The following TRIOBP variants were observed in gnomAD, a reference collection of about 807,000 sequenced individuals.
The protein encoded by TRIOBP is TRIO and F-actin binding protein.
In TRIOBP, 169 loss-of-function variants were observed where a neutral mutation model predicts 238.8. The observed-to-expected ratio is 0.71, with a 90% CI of 0.62 to 0.80. The LOEUF (loss-of-function observed/expected upper bound fraction) is 0.80, where lower values mean the gene tolerates loss of function less well. Among genes scored for constraint, TRIOBP ranks in the 30% least tolerant of loss-of-function variants. TRIOBP has a pLI of 0.00. For missense variants in TRIOBP, 2,838 were observed against 3,122.6 expected (o/e 0.91, Z 2.17); for synonymous variants, 1,150 against 1,274.4 (o/e 0.90, Z 2.08).
At chr22:37,752,098 G>A (rs1235555867) in intron 12 of TRIOBP, among the ~76,000 whole-genome samples, 1 of 152,176 alleles carries the variant, frequency 6.6e-6, no homozygotes, top group Non-Finnish European at 1.5e-5. Context: ...CTCAGTAGGA[G>A]CCTGGGTGGG....
At chr22:37,755,333 GCTGTGATGCC>G in intron 14 of TRIOBP, 143 bp downstream of exon 14, 1 of 975,664 alleles carries the variant, frequency 1.0e-6, no homozygotes, top group Non-Finnish European at 1.6e-6. Flanking sequence ...CAGAGCCAGA[GCTGTGATGCC>G]AACACTTAGC....
At chr22:37,750,831 A>G (rs1925551589) in intron 11 of TRIOBP, 2 of 443,948 alleles carry the variant, frequency 4.5e-6, no homozygotes, top group African/African-American at 4.0e-5. Flanking sequence ...TGCCACTGTC[A>G]CCGCCCACTC....
chr22:37,707,230 C>G (rs1922992010), intron 3 of TRIOBP, among the ~76,000 whole-genome samples: 1 of 152,002 alleles, frequency 6.6e-6, no homozygotes, highest in African/African-American at 2.4e-5. Flanking sequence ...GAGCCGAGAT[C>G]TGGCCACCGC....
chr22:37,761,253 T>C (rs2145874170), intron 17 of TRIOBP, among the ~76,000 whole-genome samples: 2 of 151,686 alleles, frequency 1.3e-5, no homozygotes, highest in Admixed American at 1.3e-4. Context: ...TCGAGGCCAG[T>C]GTGGCCAGAG....
At chr22:37,771,621 C>A in intron 21 of TRIOBP, 29 bp from the exon 22 acceptor site, 2 of 1,609,386 alleles carry the variant, frequency 1.2e-6, no homozygotes, top group Non-Finnish European at 1.7e-6. Flanking sequence ...GCTTCTGGCC[C>A]TGGGTCAGTC....
At chr22:37,736,339 G>A (rs1924670330) in intron 9 of TRIOBP, among the ~76,000 whole-genome samples, 1 of 152,106 alleles carries the variant, frequency 6.6e-6, no homozygotes, top group East Asian at 1.9e-4. Context: ...GCAGCGCTGG[G>A]GTGCCGTGGG....
chr22:37,701,547 G>GC, intron 3 of TRIOBP, 68 bp downstream of exon 3: 1 of 1,182,114 alleles, frequency 8.5e-7, no homozygotes, highest in Non-Finnish European at 1.2e-6. Flanking sequence ...TGGGCCTGTG[G>GC]TGTCCGCTAA....
rs756511294 is a variant in TRIOBP, at chr22:37,715,885, C to T, written c.579C>T (p.Leu193=). The T allele has an allele frequency of 5.6e-6, 9 of 1,613,552 alleles. No homozygotes were observed. In the Admixed American group the frequency reaches 6.7e-5, roughly 12 times the overall value. The change falls in exon 6 of 24, where the codon CTC becomes CTT. Residue 193 remains leucine, a synonymous_variant. Transcript: ENST00000644935. ...ACAGCTCCCAAAGGGCTCCGTCTCT[C>T]CTCACCAGGTCCCCTGTGGGAGGAG... ...RADSSQRAPS[L]LTRSPVGGDA...
At chr22:37,766,119 C>G (rs1309342751) in intron 18 of TRIOBP, among the ~76,000 whole-genome samples, 1 of 152,198 alleles carries the variant, frequency 6.6e-6, no homozygotes, top group Non-Finnish European at 1.5e-5. Flanking sequence ...ACATGCTACC[C>G]ACGTGCGTGG....
Position 37,726,336 on chromosome 22 carries a change from G to T in TRIOBP, c.3780G>T (p.Glu1260Asp), listed in dbSNP as rs758715514. ...GGSRGSAPPG[E>D]TRHNLEREEY... Reference sequence around the variant, plus strand: ...CCCGGGGCTCAGCGCCTCCCGGGGAGACCAGGCACAACTTGGAGCGGGAGG... The same window carrying T: ...CCCGGGGCTCAGCGCCTCCCGGGGATACCAGGCACAACTTGGAGCGGGAGG... The change falls in exon 7 of 24, where the codon GAG (glutamate) becomes GAT (aspartate). Residue 1260 changes from glutamate (E) to aspartate (D), a missense_variant. Physicochemically the swap from Glu to Asp is conservative, Grantham distance 45 (BLOSUM62 2). Around this residue, in one of 5 missense-constraint regions of TRIOBP, gnomAD observed 2,096 missense variants for 2,137.4 expected, o/e 0.98. Coordinates refer to ENST00000644935, the MANE Select transcript of TRIOBP (RefSeq NM_001039141.3). 2 of 1,611,670 alleles carry T rather than the reference G, an allele frequency of 1.2e-6. No individual in the cohort carries two copies. The highest frequency in any genetic ancestry group is 2.2e-5 in the South Asian group (2 of 90,888).
rs1925104918 is a variant in TRIOBP at position 37,744,240 on chromosome 22, C to T, written c.5322+3208C>T. On this transcript the variant is annotated intron_variant, in intron 11 of 23. Coordinates refer to ENST00000644935, the MANE Select transcript of TRIOBP (RefSeq NM_001039141.3). ...GGCCAGCCTAGTCTCGAACTCCTGA[C>T]CTCAGGTGATCCACCCGCCTCGGCC... is the stretch of plus-strand genomic sequence containing the variant. 1.3e-5 allele frequency among the ~76,000 whole-genome samples: 2 copies of T among 152,028 alleles called. 1 individual carries two copies. Among genetic ancestry groups the T allele is most frequent in the South Asian group, 4.2e-4 (2 of 4,818 alleles).
intron 14 of TRIOBP, 81 bp from the exon 15 acceptor site, chr22:37,755,469 G>A: frequency 7.5e-7 from 1 of 1,328,630 alleles, no homozygotes. Flanking sequence ...GGAAGGAAGG[G>A]CCACCCTCCC....
intron 7 of TRIOBP, among the ~76,000 whole-genome samples, chr22:37,728,526 G>A (rs1205520859): frequency 1.3e-5 from 2 of 151,754 alleles, no homozygotes; most frequent in African/African-American, 4.9e-5. Context: ...ACAACCGTGT[G>A]GTCTCCAGCA....
intron 1 of TRIOBP, 134 bp downstream of exon 1, chr22:37,697,223 A>T (rs1922395137): frequency 6.6e-6 from 1 of 152,178 alleles, no homozygotes; most frequent in Non-Finnish European, 1.5e-5. Context: ...TGGGTGGGGC[A>T]TGTGTAGCTG....
chr22:37,740,367 T>C (rs1924873874), intron 10 of TRIOBP, among the ~76,000 whole-genome samples: 1 of 152,128 alleles, frequency 6.6e-6, no homozygotes. Context: ...ACTCATTCCC[T>C]TTGCTTAAGC....
In TRIOBP at chr22:37,734,446, A is replaced by G; in HGVS notation, c.4110A>G (p.Gln1370=). 1.2e-6 allele frequency: 2 copies of G among 1,613,234 alleles called. No homozygotes were observed. The highest frequency in any genetic ancestry group is 2.2e-5 in the East Asian group (1 of 44,858). Residue 1370 remains glutamine, a synonymous_variant, in exon 9 of 24, where the codon CAA becomes CAG. Coordinates refer to ENST00000644935, the MANE Select transcript of TRIOBP (RefSeq NM_001039141.3). ...AGGCAGAACTGACCCGGCGGAGCCAAGCAGAGCCCCCTCATCCTTGGAGTC... is the reference window on the plus strand; with the variant it reads ...AGGCAGAACTGACCCGGCGGAGCCAGGCAGAGCCCCCTCATCCTTGGAGTC... ...AKQAELTRRS[Q]AEPPHPWSPE...
chr22:37,728,143 C>A (rs1031595257), intron 7 of TRIOBP, among the ~76,000 whole-genome samples: 6 of 151,822 alleles, frequency 4.0e-5, no homozygotes, highest in Non-Finnish European at 5.9e-5. Context: ...GCATGAGAAA[C>A]CTTATCAGTC....
At chr22:37,771,762 C>A in intron 22 of TRIOBP, 26 bp downstream of exon 22, 2 of 1,609,566 alleles carry the variant, frequency 1.2e-6, no homozygotes, top group Non-Finnish European at 1.7e-6. Context: ...GGGCTGGGGG[C>A]CGTCGGGGAC....
chr22:37,714,926 G>T (rs980297235), intron 5 of TRIOBP, among the ~76,000 whole-genome samples: 2 of 152,038 alleles, frequency 1.3e-5, no homozygotes, highest in Non-Finnish European at 2.9e-5. Context: ...CCATGGAGCG[G>T]AGTCTACACC....
Sources: allele counts gnomAD v4.1 joint callset (sites outside exome capture counted in the v4.1 genomes callset), GRCh38; gene constraint gnomAD v4.1.1; regional missense constraint gnomAD v4.1.1; transcripts MANE v1.5; gene names NCBI Gene and HGNC (gene_info 2026-07-23, HGNC 2026-07-21).